Variants in HS6ST2 observed in about 807,000 individuals in gnomAD.
HS6ST2 encodes the protein heparan sulfate 6-O-sulfotransferase 2, also known as heparan-sulfate 6-O-sulfotransferase 2.
In HS6ST2, 17 loss-of-function variants were observed where a neutral mutation model predicts 33.0. That is an observed-to-expected ratio of 0.52 (90% CI 0.35 to 0.77). HS6ST2 has a LOEUF of 0.77. Ranked by LOEUF, HS6ST2 falls within the 30% of genes least tolerant of loss-of-function variation. HS6ST2 has a pLI of 0.01. For synonymous variants in HS6ST2, 248 were observed against 237.1 expected (o/e 1.05, Z -0.42); for missense variants, 519 against 551.7 (o/e 0.94, Z 0.59).
At chrX:132,837,226 C>T (rs2065652653) in intron 2 of HS6ST2, among the ~76,000 whole-genome samples, 1 of 111,896 alleles carries the variant, frequency 8.9e-6, no homozygotes, top group Admixed American at 9.5e-5. Context: ...AATGAAATTC[C>T]ATCCAATGAC....
chrX:132,861,575 A>G (rs2065911292), intron 2 of HS6ST2, among the ~76,000 whole-genome samples: 1 of 112,540 alleles, frequency 8.9e-6, no homozygotes, highest in Non-Finnish European at 1.9e-5. Flanking sequence ...CTTCAACACA[A>G]AGAATTACTA....
intron 3 of HS6ST2, among the ~76,000 whole-genome samples, chrX:132,685,749 T>C (rs552110656): frequency 2.7e-5 from 3 of 111,649 alleles, no homozygotes; most frequent in African/African-American, 9.8e-5. Flanking sequence ...TCAGGACATT[T>C]GACTGATTCC....
At chrX:132,808,725 G>A (rs1221204561) in intron 2 of HS6ST2, 2 of 111,907 alleles carry the variant, frequency 1.8e-5, no homozygotes, top group Admixed American at 1.9e-4. Flanking sequence ...ATGGCTAAGA[G>A]ATGCTAAATG....
chrX:132,673,341 T>G (rs2063898705), intron 3 of HS6ST2, among the ~76,000 whole-genome samples: 1 of 112,256 alleles, frequency 8.9e-6, no homozygotes, highest in Non-Finnish European at 1.9e-5. Context: ...CTTGCACCAG[T>G]TTGAGAGAAG....
At chrX:132,911,786 C>T (rs778556995) in intron 2 of HS6ST2, among the ~76,000 whole-genome samples, 132 of 110,268 alleles carry the variant, frequency 1.2e-3, no homozygotes, top group Middle Eastern at 4.7e-3. Context: ...TACAGGTGCC[C>T]GCCACCACGC....
chrX:132,933,046 G>T (rs2066791174), intron 2 of HS6ST2, among the ~76,000 whole-genome samples: 1 of 109,600 alleles, frequency 9.1e-6, no homozygotes, highest in Non-Finnish European at 1.9e-5. Flanking sequence ...TACTGCAAGG[G>T]CTGGGTGCAG....
chrX:132,812,405 A>AAATAATAATAACAATAATAAT (rs373934376), intron 2 of HS6ST2, among the ~76,000 whole-genome samples: 5 of 84,943 alleles, frequency 5.9e-5, no homozygotes, highest in South Asian at 6.5e-4. Context: ...ACTCTGTCTC[A>AAATAATAATAACAATAATAAT]AATAATAATA....
chrX:132,897,601 G>A (rs922543852), intron 2 of HS6ST2, among the ~76,000 whole-genome samples: 1 of 111,122 alleles, frequency 9.0e-6, no homozygotes, highest in Admixed American at 9.6e-5. Flanking sequence ...CTGAATAAAT[G>A]GTAACTTTTA....
chrX:132,751,541 G>T (rs965997185), intron 2 of HS6ST2, among the ~76,000 whole-genome samples: 1 of 111,900 alleles, frequency 8.9e-6, no homozygotes, highest in Admixed American at 9.5e-5. Context: ...TTACAGACAG[G>T]GGAGGAAGGA....
At chrX:132,765,958 C>T (rs1460827011) in intron 2 of HS6ST2, among the ~76,000 whole-genome samples, 2 of 111,712 alleles carry the variant, frequency 1.8e-5, no homozygotes, top group Admixed American at 1.9e-4. Context: ...TCAAGCCAGG[C>T]AGTCTGACTC....
At chrX:132,897,064 G>A (rs2066383082) in intron 2 of HS6ST2, among the ~76,000 whole-genome samples, 1 of 111,600 alleles carries the variant, frequency 9.0e-6, no homozygotes, top group Non-Finnish European at 1.9e-5. Context: ...ACATTTAAAG[G>A]CAGCAGTGAT....
intron 3 of HS6ST2, among the ~76,000 whole-genome samples, chrX:132,674,462 G>A (rs781364749): frequency 1.2e-4 from 13 of 111,896 alleles, no homozygotes; most frequent in East Asian, 2.8e-4. Context: ...CAACCAGGGC[G>A]CTCACATTAT....
chrX:132,756,820 GGTGTGTGTGTGTGT>G lies in HS6ST2; in HGVS notation c.948-48340_948-48327del, dbSNP rs3065679. Among the ~76,000 whole-genome samples the G allele has an allele frequency of 4.5e-4, 44 of 97,339 alleles. No homozygotes were observed. The South Asian group carries it at 0.021, about 46-fold the overall frequency. 84.5% of individuals were successfully genotyped at this position (97,339 alleles called of 115,157 possible). ...CTTGCTCTCCCATTCCCCTGTGCAT[GGTGTGTGTGTGTGT>G]GTGTGTGTGTGTGTGTGTGTGTCTT... On this transcript the variant is annotated intron_variant, in intron 2 of 4. Transcript: ENST00000370833.
In HS6ST2 at chrX:132,731,664, G is replaced by A. The variant is rs942521934; in HGVS notation, c.948-23170C>T. 7.2e-5 allele frequency among the ~76,000 whole-genome samples: 8 copies of A among 111,100 alleles called. No individual in the cohort carries two copies. In the East Asian group the frequency reaches 1.7e-3, roughly 24 times the overall value. Reference sequence around the variant, plus strand: ...AGATCGAGACCATCCTGGCTAACACGGTGAAACCCCGTCTCTACTAAAAAT... The same window carrying A: ...AGATCGAGACCATCCTGGCTAACACAGTGAAACCCCGTCTCTACTAAAAAT... On this transcript the variant is annotated intron_variant, in intron 2 of 4. Coordinates refer to ENST00000370833, the MANE Select transcript of HS6ST2 (RefSeq NM_001394073.1).
At chrX:132,697,063 T>C (rs2064109789) in intron 3 of HS6ST2, among the ~76,000 whole-genome samples, 1 of 112,358 alleles carries the variant, frequency 8.9e-6, no homozygotes. Context: ...ACATGTCATA[T>C]ACAAAATACC....
At chrX:132,727,281 T>C (rs1317595664) in intron 2 of HS6ST2, among the ~76,000 whole-genome samples, 3 of 109,104 alleles carry the variant, frequency 2.7e-5, no homozygotes, top group Non-Finnish European at 5.7e-5. Flanking sequence ...CACAAACATA[T>C]TCATTCATTC....
chrX:132,834,818 C>T (rs1057440654), intron 2 of HS6ST2, among the ~76,000 whole-genome samples: 2 of 111,816 alleles, frequency 1.8e-5, no homozygotes, highest in Non-Finnish European at 3.8e-5. Context: ...AAAACTTAAG[C>T]TTCCCTTCTT....
intron 4 of HS6ST2, among the ~76,000 whole-genome samples, chrX:132,648,538 C>CAAAAAA (rs386417567): frequency 8.7e-5 from 5 of 57,569 alleles, no homozygotes; most frequent in African/African-American, 1.7e-4. Context: ...TGGAAAGAGA[C>CAAAAAA]AAAAAAAAAA....
intron 2 of HS6ST2, among the ~76,000 whole-genome samples, chrX:132,727,525 G>A (rs190154701): frequency 4.8e-4 from 53 of 111,268 alleles, no homozygotes; most frequent in African/African-American, 1.7e-3. Context: ...AGAGTTCACG[G>A]CCCAGGCTTG....
Sources: gnomAD v4.1 joint callset for allele counts (sites outside exome capture counted in the v4.1 genomes callset) on GRCh38, gnomAD v4.1.1 for gene constraint, MANE v1.5 for transcripts, NCBI Gene and HGNC (gene_info 2026-07-23, HGNC 2026-07-21) for gene names.